Variants in ZC2HC1A observed in about 807,000 individuals in gnomAD.
ZC2HC1A encodes the protein zinc finger C2HC domain-containing protein 1A.
In ZC2HC1A, 28 loss-of-function variants were observed where a neutral mutation model predicts 40.7. That is an observed-to-expected ratio of 0.69 (90% confidence interval 0.51 to 0.94). The LOEUF (loss-of-function observed/expected upper bound fraction) is 0.94, where lower values mean the gene tolerates loss of function less well. ZC2HC1A is among the 40% of genes least tolerant of loss of function. The probability of loss-of-function intolerance (pLI) is 0.00; values close to 1 mark genes in which losing one functional copy is unlikely to be tolerated. For missense variants in ZC2HC1A, 389 were observed against 386.3 expected, an observed-to-expected ratio of 1.01 and a Z score of -0.06; for synonymous variants, 129 against 129.2, an observed-to-expected ratio of 1.00 and a Z score of 0.01.
chr8:78,697,588 G>A, intron 6 of ZC2HC1A, 82 bp downstream of exon 6: 1 of 953,020 alleles, frequency 1.0e-6, no homozygotes, highest in Non-Finnish European at 1.6e-6. Context: ...GTCTATTCTG[G>A]AATATTAAGA....
intron 7 of ZC2HC1A, among the ~76,000 whole-genome samples, chr8:78,704,042 A>G (rs549563251): frequency 6.6e-6 from 1 of 152,142 alleles, no homozygotes; most frequent in East Asian, 1.9e-4. Context: ...TCACTTATGA[A>G]GCTTAGTTTG....
intron 5 of ZC2HC1A, 36 bp from the exon 6 acceptor site, chr8:78,697,371 G>A: frequency 6.7e-7 from 1 of 1,494,620 alleles, no homozygotes; most frequent in African/African-American, 1.4e-5. Context: ...TAATCAAAAA[G>A]TGATGTTGAT....
At position 78,698,572 on chromosome 8, in the gene ZC2HC1A, G is replaced by A. The variant is rs1048205861; in HGVS notation, c.704+59G>A. The A allele has an allele frequency of 6.4e-6, 8 of 1,251,516 alleles. No homozygotes were observed. In the African/African-American group the frequency reaches 1.2e-4, roughly 19 times the overall value. 77.5% of individuals were successfully genotyped at this position (1,251,516 alleles called of 1,614,324 possible). On this transcript the variant is annotated intron_variant, in intron 7 of 8. Transcript: ENST00000263849. ...TATAATTAAACGATACTAAGGTTTTGTTATGTTTTGATAATTGCTTTTTCA... is the reference window on the plus strand; with the variant it reads ...TATAATTAAACGATACTAAGGTTTTATTATGTTTTGATAATTGCTTTTTCA...
intron 2 of ZC2HC1A, 42 bp from the exon 3 acceptor site, chr8:78,678,521 G>A (rs1809658936): frequency 6.6e-7 from 1 of 1,516,836 alleles, no homozygotes; most frequent in African/African-American, 1.4e-5. Context: ...CTTACCTTCT[G>A]TAGAAAAGAA....
chr8:78,711,978 A>G (rs1002604853), intron 7 of ZC2HC1A: 2 of 1,284,050 alleles, frequency 1.6e-6, no homozygotes, highest in South Asian at 1.2e-5. Context: ...ACACCTTTAT[A>G]TATTTTAATA....
chr8:78,670,235 G>A (rs984921717), intron 1 of ZC2HC1A, among the ~76,000 whole-genome samples: 2 of 152,056 alleles, frequency 1.3e-5, no homozygotes, highest in Non-Finnish European at 2.9e-5. Context: ...CCAAAGTGCT[G>A]GGATTACAGG....
At chr8:78,713,587 G>A (rs1421504190) in intron 7 of ZC2HC1A, among the ~76,000 whole-genome samples, 1 of 152,148 alleles carries the variant, frequency 6.6e-6, no homozygotes, top group East Asian at 1.9e-4. Context: ...ATACACAAGA[G>A]TAGAGTAAAC....
intron 5 of ZC2HC1A, 51 bp downstream of exon 5, chr8:78,689,424 T>C (rs1585999685): frequency 6.8e-7 from 1 of 1,478,452 alleles, no homozygotes; most frequent in Middle Eastern, 1.8e-4. Context: ...CTCATGGACA[T>C]TCATAGATTA....
chr8:78,682,006 A>G (rs62518978), intron 3 of ZC2HC1A, among the ~76,000 whole-genome samples: 7,678 of 150,944 alleles, frequency 0.051, 271 homozygotes, highest in Middle Eastern at 0.079. Context: ...ACCTCCCAAA[A>G]TGTGGGGATT....
intron 5 of ZC2HC1A, among the ~76,000 whole-genome samples, chr8:78,690,831 A>G (rs757678003): frequency 6.6e-6 from 1 of 152,164 alleles, no homozygotes; most frequent in Non-Finnish European, 1.5e-5. Context: ...TTCCAAGTAT[A>G]TCATGTATTT....
At chr8:78,700,876 G>A (rs1252771993) in intron 7 of ZC2HC1A, among the ~76,000 whole-genome samples, 1 of 152,070 alleles carries the variant, frequency 6.6e-6, no homozygotes, top group East Asian at 1.9e-4. Flanking sequence ...CCAGTACCAT[G>A]CTGTTTTGAT....
At chr8:78,672,900 T>A (rs905704931) in intron 1 of ZC2HC1A, among the ~76,000 whole-genome samples, 1 of 150,820 alleles carries the variant, frequency 6.6e-6, no homozygotes. Flanking sequence ...TTATTTTTAA[T>A]TTTTTTTTTA....
At chr8:78,675,349 C>T (rs1422210858) in intron 1 of ZC2HC1A, among the ~76,000 whole-genome samples, 1 of 151,762 alleles carries the variant, frequency 6.6e-6, no homozygotes, top group South Asian at 2.1e-4. Flanking sequence ...GAGTAAGATT[C>T]GTTTTATTCT....
intron 7 of ZC2HC1A, among the ~76,000 whole-genome samples, chr8:78,713,611 T>A (rs960713602): frequency 4.9e-4 from 74 of 152,256 alleles, no homozygotes; most frequent in African/African-American, 1.6e-3. Flanking sequence ...ATGAATGGAC[T>A]TGGAGTGAGC....
intron 5 of ZC2HC1A, among the ~76,000 whole-genome samples, chr8:78,697,195 C>T (rs1467815223): frequency 6.6e-6 from 1 of 152,156 alleles, no homozygotes; most frequent in Non-Finnish European, 1.5e-5. Flanking sequence ...ACTTTACCAT[C>T]TTAATCGTTT....
chr8:78,697,432 CA>C lies in ZC2HC1A; in HGVS notation c.533del (p.Asn178IlefsTer24). 1 of 1,602,052 alleles carries C rather than the reference CA, an allele frequency of 6.2e-7. No individual in the cohort carries two copies. Among genetic ancestry groups the C allele is most frequent in the South Asian group, 1.1e-5 (1 of 88,560 alleles). The part of the protein sequence containing the change: ...QVYKPPALKK[S>X]NSPGTASSGS... The stretch of plus-strand genomic sequence containing the variant: ...TATAAGCCACCCGCACTTAAAAAGT[CA>C]AATTCTCCTGGAACTGCATCATCAG... On this transcript the variant is annotated frameshift_variant, in exon 6 of 9. Coordinates refer to ENST00000263849, the MANE Select transcript of ZC2HC1A (RefSeq NM_016010.3). LOFTEE classifies it high-confidence loss of function.
chr8:78,693,915 T>C (rs929952863), intron 5 of ZC2HC1A, among the ~76,000 whole-genome samples: 1 of 152,202 alleles, frequency 6.6e-6, no homozygotes, highest in Non-Finnish European at 1.5e-5. Context: ...TTGTGTAAGG[T>C]ATAAGGAAGG....
chr8:78,675,914 C>T, intron 2 of ZC2HC1A, 51 bp downstream of exon 2: 2 of 1,493,116 alleles, frequency 1.3e-6, no homozygotes, highest in Non-Finnish European at 1.9e-6. Context: ...TGTAATTGTT[C>T]AATAATTCTG....
intron 5 of ZC2HC1A, among the ~76,000 whole-genome samples, chr8:78,696,545 C>T (rs896084338): frequency 1.3e-5 from 2 of 151,976 alleles, no homozygotes; most frequent in African/African-American, 4.8e-5. Flanking sequence ...CTTTTATTGT[C>T]AGGTAACTGA....
Sources: gnomAD v4.1 joint callset for allele counts (sites outside exome capture counted in the v4.1 genomes callset) on GRCh38, gnomAD v4.1.1 for gene constraint, MANE v1.5 for transcripts, NCBI Gene and HGNC (gene_info 2026-07-23, HGNC 2026-07-21) for gene names.